The following TBC1D22B variants were observed in gnomAD, a reference collection of about 807,000 sequenced individuals.
The protein encoded by TBC1D22B is chromosome 6 open reading frame 197.
TBC1D22B carries 32 observed loss-of-function variants against 69.1 expected under a neutral mutation model. That is an observed-to-expected ratio of 0.46 (90% CI 0.35 to 0.62). The LOEUF (loss-of-function observed/expected upper bound fraction) is 0.62, where lower values mean the gene tolerates loss of function less well. Ranked by LOEUF, TBC1D22B falls within the 20% of genes least tolerant of loss-of-function variation. TBC1D22B has a pLI of 0.00. For missense variants in TBC1D22B, 462 were observed against 630.9 expected, an observed-to-expected ratio of 0.73 and a Z score of 2.87; for synonymous variants, 206 against 229.8, an observed-to-expected ratio of 0.90 and a Z score of 0.94.
Position 37,279,482 on chromosome 6 carries a change from G to T in TBC1D22B, c.292G>T (p.Ala98Ser). 1 of 1,614,112 alleles carries T rather than the reference G, an allele frequency of 6.2e-7. No homozygotes were observed. Among genetic ancestry groups the T allele is most frequent in the Non-Finnish European group, 8.5e-7 (1 of 1,180,026 alleles). The change falls in exon 3 of 13, where the codon GCC (alanine) becomes TCC (serine). Residue 98 changes from alanine to serine, a missense_variant. By Grantham distance (99) the Ala-to-Ser change is moderately conservative. Coordinates refer to ENST00000373491, the MANE Select transcript of TBC1D22B (RefSeq NM_017772.4). ...LNSKVALATA[A>S]QVLENHSKLR... ...CTCAAAAGTTGCTTTGGCAACTGCA[G>T]CCCAAGTTCTAGAAAACCACAGCAA...
intron 8 of TBC1D22B, among the ~76,000 whole-genome samples, chr6:37,297,713 AAAC>A (rs1404375934): frequency 6.6e-6 from 1 of 152,234 alleles, no homozygotes; most frequent in African/African-American, 2.4e-5. Context: ...TAAAAAATCA[AAAC>A]AACATTCTAC....
intron 12 of TBC1D22B, among the ~76,000 whole-genome samples, chr6:37,326,372 G>C (rs1441859813): frequency 2.7e-5 from 2 of 73,066 alleles, no homozygotes; most frequent in African/African-American, 7.1e-5. Flanking sequence ...GTGAGACTGC[G>C]CCTCAAAAAA....
chr6:37,289,606 A>C (rs1407068435), intron 7 of TBC1D22B, among the ~76,000 whole-genome samples: 1 of 152,214 alleles, frequency 6.6e-6, no homozygotes, highest in Non-Finnish European at 1.5e-5. Flanking sequence ...AGTATTTACA[A>C]GGGGCTGATC....
intron 1 of TBC1D22B, among the ~76,000 whole-genome samples, chr6:37,263,097 A>T (rs1766162189): frequency 1.3e-5 from 2 of 152,144 alleles, no homozygotes; most frequent in Admixed American, 1.3e-4. Context: ...TTTTGTAGAG[A>T]TCTAATCTTC....
chr6:37,261,577 G>A (rs556339891), intron 1 of TBC1D22B, among the ~76,000 whole-genome samples: 1 of 152,088 alleles, frequency 6.6e-6, no homozygotes, highest in Non-Finnish European at 1.5e-5. Flanking sequence ...TAGGGACAGA[G>A]TATCTGCTCC....
At chr6:37,275,218 G>C (rs1766631721) in intron 2 of TBC1D22B, among the ~76,000 whole-genome samples, 1 of 152,124 alleles carries the variant, frequency 6.6e-6, no homozygotes, top group South Asian at 2.1e-4. Context: ...CAACTACTGG[G>C]GTCAACAGAA....
intron 7 of TBC1D22B, among the ~76,000 whole-genome samples, chr6:37,289,070 AT>A (rs1359937838): frequency 6.6e-6 from 1 of 151,570 alleles, no homozygotes; most frequent in Non-Finnish European, 1.5e-5. Flanking sequence ...TTTTCTCATA[AT>A]TTTTTGTAGA....
At chr6:37,295,734 G>T (rs1262818436) in intron 8 of TBC1D22B, 1 of 314,772 alleles carries the variant, frequency 3.2e-6, no homozygotes, top group Admixed American at 3.6e-5. Context: ...CTCTTCCCCA[G>T]CCAAAGTTCC....
At position 37,331,045 on chromosome 6, in the gene TBC1D22B, G is replaced by T; in HGVS notation, c.1391G>T (p.Gly464Val). Residue 464 changes from glycine to valine, a missense_variant and splice_region_variant, in exon 13 of 13, where the codon GGT becomes GTT. Around this residue, in one of 2 missense-constraint regions of TBC1D22B, gnomAD observed 225 missense variants for 375.4 expected, o/e 0.60. Coordinates refer to ENST00000373491, the MANE Select transcript of TBC1D22B (RefSeq NM_017772.4). ...KEILDEEDFQ[G>V]LLMLLQNLPT... Reference sequence around the variant, plus strand: ...TAAAAGTCCTTTCTTGCATTCCAGGGTCTCCTCATGCTGCTACAGAACCTA... The same window carrying T: ...TAAAAGTCCTTTCTTGCATTCCAGGTTCTCCTCATGCTGCTACAGAACCTA... The T allele has an allele frequency of 6.2e-7, 1 of 1,614,036 alleles. No individual in the cohort carries two copies. The highest frequency in any genetic ancestry group is 8.5e-7 in the Non-Finnish European group (1 of 1,179,960).
Position 37,293,078 on chromosome 6 carries a change from A to AT in TBC1D22B, c.982+1723dup, listed in dbSNP as rs1165837891. Among the ~76,000 whole-genome samples the AT allele has an allele frequency of 1.1e-3, 157 of 140,770 alleles. 1 individual carries two copies. Among genetic ancestry groups the AT allele is most frequent in the African/African-American group, 4.7e-3 (150 of 32,132 alleles). 92.4% of individuals were successfully genotyped at this position (140,770 alleles called of 152,430 possible). ...TTAACTTTTCATTATTATTATTATT[A>AT]TTATTATTTTTTTTTTTGAGACAGA... On this transcript the variant is annotated intron_variant, in intron 8 of 12. Transcript: ENST00000373491.
chr6:37,327,135 C>T (rs895832417), intron 12 of TBC1D22B, among the ~76,000 whole-genome samples: 19 of 151,908 alleles, frequency 1.3e-4, no homozygotes, highest in Non-Finnish European at 8.8e-5. Context: ...TACATGGTGG[C>T]ATGGGGGTGG....
chr6:37,307,154 G>A (rs755125725), intron 8 of TBC1D22B, among the ~76,000 whole-genome samples: 23 of 152,148 alleles, frequency 1.5e-4, no homozygotes, highest in Non-Finnish European at 2.8e-4. Flanking sequence ...CCAACAATAC[G>A]TTTATATATA....
intron 8 of TBC1D22B, among the ~76,000 whole-genome samples, chr6:37,297,038 G>C (rs1203829447): frequency 6.6e-6 from 1 of 152,066 alleles, no homozygotes. Flanking sequence ...TGTTGCCCAG[G>C]CTGGTCCTGA....
chr6:37,299,467 A>G (rs1767497820), intron 8 of TBC1D22B, among the ~76,000 whole-genome samples: 1 of 152,172 alleles, frequency 6.6e-6, no homozygotes, highest in African/African-American at 2.4e-5. Flanking sequence ...GTGTCTCTTT[A>G]TGTAGAACTT....
intron 1 of TBC1D22B, 51 bp downstream of exon 1, chr6:37,258,024 A>T (rs746398852): frequency 6.3e-7 from 1 of 1,593,566 alleles, no homozygotes; most frequent in Non-Finnish European, 8.6e-7. Context: ...ACCCTTCCAG[A>T]TCCTAATCCC....
At chr6:37,260,711 T>G (rs1033222361) in intron 1 of TBC1D22B, among the ~76,000 whole-genome samples, 3 of 152,226 alleles carry the variant, frequency 2.0e-5, no homozygotes, top group Non-Finnish European at 4.4e-5. Flanking sequence ...TTACCACTTT[T>G]GGACATTTTA....
intron 12 of TBC1D22B, among the ~76,000 whole-genome samples, chr6:37,327,001 C>CT (rs1768425100): frequency 6.6e-6 from 1 of 152,134 alleles, no homozygotes; most frequent in South Asian, 2.1e-4. Flanking sequence ...TACAAGTGGT[C>CT]TACCTGAGGA....
chr6:37,266,930 C>CTTTTT lies in TBC1D22B; in HGVS notation c.57-2644_57-2640dup, dbSNP rs35702920. 1.0e-3 allele frequency among the ~76,000 whole-genome samples: 56 copies of CTTTTT among 54,832 alleles called. 1 individual carries two copies. The highest frequency in any genetic ancestry group is 2.0e-3 in the African/African-American group (27 of 13,334). The allele number at this position is 54,832 out of a possible 152,430, so 36.0% of individuals were successfully genotyped here. ...GTTCAATTTTTAATATTTTCTTCGT[C>CTTTTT]TTTTTTTTTTTTTTTTTTTTTTTTG... is the stretch of plus-strand genomic sequence containing the variant. On this transcript the variant is annotated intron_variant, in intron 1 of 12. Transcript: ENST00000373491.
intron 11 of TBC1D22B, 138 bp downstream of exon 11, chr6:37,316,968 A>G: frequency 6.6e-7 from 1 of 1,511,092 alleles, no homozygotes; most frequent in Non-Finnish European, 9.0e-7. Context: ...GCCTCAGGGC[A>G]GGGCCTTTGC....
Sources: allele counts gnomAD v4.1 joint callset (sites outside exome capture counted in the v4.1 genomes callset), GRCh38; gene constraint gnomAD v4.1.1; regional missense constraint gnomAD v4.1.1; transcripts MANE v1.5; gene names NCBI Gene and HGNC (gene_info 2026-07-23, HGNC 2026-07-21).